The following SYMPK variants were observed in gnomAD, a reference collection of about 807,000 sequenced individuals.
The protein encoded by SYMPK is symplekin.
A neutral mutation model predicts 136.4 loss-of-function variants in SYMPK; 49 were observed. That is an observed-to-expected ratio of 0.36 (90% CI 0.29 to 0.46). SYMPK has a LOEUF of 0.46. Among genes scored for constraint, SYMPK ranks in the 20% least tolerant of loss-of-function variants. SYMPK has a pLI of 1.00. For missense variants in SYMPK, 1,365 were observed against 1,690.0 expected (o/e 0.81, Z 3.37); for synonymous variants, 766 against 713.0 (o/e 1.07, Z -1.19).
In SYMPK at chr19:45,857,422, A is replaced by C. The variant is rs551639250; in HGVS notation, c.-12-2915T>G. On this transcript the variant is annotated intron_variant, in intron 1 of 26. Coordinates refer to ENST00000245934, the MANE Select transcript of SYMPK (RefSeq NM_004819.3). ...GAGACTCTGTCTCAAAAAAAAAAAA[A>C]AAAAAAAAAAAACACACACTAAACA... Among the ~76,000 whole-genome samples the C allele has an allele frequency of 3.3e-3, 496 of 150,524 alleles. 5 individuals carry two copies. Among genetic ancestry groups the C allele is most frequent in the African/African-American group, 0.01 (424 of 41,116 alleles).
At chr19:45,828,111 C>T (rs1450392394) in intron 14 of SYMPK, 193 bp from the exon 15 acceptor site, 1 of 567,830 alleles carries the variant, frequency 1.8e-6, no homozygotes, top group East Asian at 3.0e-5. Flanking sequence ...TGGGCAGAGA[C>T]TGCACCTCTC....
Position 45,852,392 on chromosome 19 carries a change from A to G in SYMPK, c.226-7T>C, listed in dbSNP as rs1971715719. On this transcript the variant is annotated splice_region_variant and splice_polypyrimidine_tract_variant and intron_variant, in intron 4 of 26. Transcript: ENST00000245934. ...CTTGGAATGCGATGATCTCCTGCCA[A>G]TGTTAGAGAGAAAGTGGATCAGGGC... 2 of 1,614,170 alleles carry G rather than the reference A, an allele frequency of 1.2e-6. No homozygotes were observed. Among genetic ancestry groups the G allele is most frequent in the South Asian group, 1.1e-5 (1 of 91,088 alleles).
At chr19:45,817,064 G>A in intron 23 of SYMPK, 90 bp from the exon 24 acceptor site, 2 of 1,323,076 alleles carry the variant, frequency 1.5e-6, no homozygotes, top group Non-Finnish European at 2.1e-6. Context: ...CCAAGACCAT[G>A]CCCAAATCCC....
chr19:45,818,292 C>T (rs1014306466), intron 22 of SYMPK, 146 bp from the exon 23 acceptor site: 3 of 787,372 alleles, frequency 3.8e-6, no homozygotes, highest in Non-Finnish European at 5.7e-6. Flanking sequence ...AGGAGACTCC[C>T]CCGACCCAGC....
Position 45,831,453 on chromosome 19 carries a change from G to A in SYMPK, c.1529C>T (p.Ser510Phe), listed in dbSNP as rs765957468. Residue 510 changes from serine to phenylalanine, a missense_variant, in exon 12 of 27, where the codon TCC (serine) becomes TTC (phenylalanine). By Grantham distance (155) the Ser-to-Phe change is radical. Coordinates refer to ENST00000245934, the MANE Select transcript of SYMPK (RefSeq NM_004819.3). ...CTGCGGTGCCTCTTCCTCCAGGGGGGACATGGAGCTCAGGGAACCCACCAC... is the reference window on the plus strand; with the variant it reads ...CTGCGGTGCCTCTTCCTCCAGGGGGAACATGGAGCTCAGGGAACCCACCAC... ...ISVVGSLSSM[S>F]PLEEEAPQAK... The A allele has an allele frequency of 6.2e-7, 1 of 1,608,646 alleles. No individual in the cohort carries two copies. Among genetic ancestry groups the A allele is most frequent in the Middle Eastern group, 1.7e-4 (1 of 6,052 alleles).
At chr19:45,824,166 C>T in intron 18 of SYMPK, 1 of 351,654 alleles carries the variant, frequency 2.8e-6, no homozygotes, top group East Asian at 6.1e-5. Flanking sequence ...AATGCCCACC[C>T]TGTGCTTCGT....
At chr19:45,849,372 A>C (rs1971644571) in intron 5 of SYMPK, among the ~76,000 whole-genome samples, 1 of 152,180 alleles carries the variant, frequency 6.6e-6, no homozygotes, top group Non-Finnish European at 1.5e-5. Flanking sequence ...GAGGGCTCAA[A>C]AAGTAGGGAC....
In SYMPK at chr19:45,854,379, C is replaced by A. The variant is rs756839948; in HGVS notation, c.105+12G>T. 6.2e-7 allele frequency: 1 copy of A among 1,613,592 alleles called. No individual in the cohort carries two copies. The highest frequency in any genetic ancestry group is 1.1e-5 in the South Asian group (1 of 91,052). ...ATGCTTCCTCACTCCAAGCCCTACC[C>A]GCCACGCTCACCCTCTCTGAGGTGG... is the stretch of plus-strand genomic sequence containing the variant. On this transcript the variant is annotated intron_variant, in intron 2 of 26. Coordinates refer to ENST00000245934, the MANE Select transcript of SYMPK (RefSeq NM_004819.3).
intron 2 of SYMPK, 21 bp from the exon 3 acceptor site, chr19:45,854,261 A>G: frequency 6.2e-7 from 1 of 1,613,856 alleles, no homozygotes; most frequent in East Asian, 2.2e-5. Context: ...GGGGAGTGGC[A>G]GGGGATAGTG....
intron 10 of SYMPK, among the ~76,000 whole-genome samples, chr19:45,838,180 C>A (rs922347725): frequency 1.3e-5 from 2 of 151,924 alleles, no homozygotes; most frequent in Non-Finnish European, 2.9e-5. Flanking sequence ...TGCTCCCCAA[C>A]ACTCCCTTTC....
chr19:45,839,587 C>G (rs933436402), intron 9 of SYMPK, among the ~76,000 whole-genome samples: 27 of 151,970 alleles, frequency 1.8e-4, no homozygotes, highest in African/African-American at 5.8e-4. Flanking sequence ...TGGCTCACAC[C>G]TGTAATCCCA....
chr19:45,854,429 C>A lies in SYMPK; in HGVS notation c.67G>T (p.Glu23Ter). ...GTCATGCCATCGATGCCCGGCCCCT[C>A]CTCTTGAGTGAAAAACTGTGATGCC... ...SVASQFFTQEEGPGIDGMTTS... is the reference protein window; with the variant it reads ...SVASQFFTQE The change falls in exon 2 of 27, where the codon GAG becomes TAG. Residue 23 changes from glutamate (E) to a stop codon, truncating the protein, a stop_gained. Coordinates refer to ENST00000245934, the MANE Select transcript of SYMPK (RefSeq NM_004819.3). LOFTEE classifies it high-confidence loss of function. 6.2e-7 allele frequency: 1 copy of A among 1,614,162 alleles called. No homozygotes were observed. Among genetic ancestry groups the A allele is most frequent in the Non-Finnish European group, 8.5e-7 (1 of 1,180,030 alleles).
At chr19:45,838,711 C>G in intron 9 of SYMPK, 96 bp from the exon 10 acceptor site, 1 of 1,363,890 alleles carries the variant, frequency 7.3e-7, no homozygotes, top group South Asian at 1.4e-5. Flanking sequence ...CTCTAGTCAG[C>G]CTCAGCAAAC....
chr19:45,844,298 C>T (rs1971511346), intron 7 of SYMPK, 98 bp from the exon 8 acceptor site: 16 of 951,190 alleles, frequency 1.7e-5, no homozygotes, highest in Non-Finnish European at 2.1e-5. Flanking sequence ...GATCCTGGTA[C>T]CTAGATGTCT....
chr19:45,826,195 C>T lies in SYMPK; in HGVS notation c.2329+31G>A, dbSNP rs764417902. 3 of 1,597,800 alleles carry T rather than the reference C, an allele frequency of 1.9e-6. No individual in the cohort carries two copies. In the South Asian group the frequency reaches 3.4e-5, roughly 18 times the overall value. On this transcript the variant is annotated intron_variant, in intron 17 of 26. Coordinates refer to ENST00000245934, the MANE Select transcript of SYMPK (RefSeq NM_004819.3). ...GGCCCAGAGCGCGGACACAGCAGCG[C>T]TCAGTATGCATCTGATGACCTGTGC...
At chr19:45,843,505 C>T (rs540316131) in intron 8 of SYMPK, among the ~76,000 whole-genome samples, 1 of 152,238 alleles carries the variant, frequency 6.6e-6, no homozygotes, top group Admixed American at 6.5e-5. Context: ...CATGTCATTT[C>T]ACCCCCACAT....
chr19:45,857,156 C>T (rs1162715071), intron 1 of SYMPK, among the ~76,000 whole-genome samples: 1 of 151,712 alleles, frequency 6.6e-6, no homozygotes, highest in East Asian at 2.0e-4. Context: ...CACGTGTAAT[C>T]CCAGCACTTT....
chr19:45,856,321 T>C (rs1971821059), intron 1 of SYMPK, among the ~76,000 whole-genome samples: 2 of 151,642 alleles, frequency 1.3e-5, no homozygotes, highest in African/African-American at 2.4e-5. Flanking sequence ...GTCTGGGACA[T>C]AAAGACAGAC....
In SYMPK at chr19:45,829,048, G is replaced by A. The variant is rs146919889; in HGVS notation, c.1907C>T (p.Ser636Leu). 9.9e-6 allele frequency: 16 copies of A among 1,614,194 alleles called. No individual in the cohort carries two copies. The highest frequency in any genetic ancestry group is 8.3e-5 in the Admixed American group (5 of 60,028). The part of the protein sequence containing the change: ...EYNAYLAAGA[S>L]GSLDKYEDCL... Reference sequence around the variant, plus strand: ...GTCCTCATACTTGTCCAGGGAGCCCGAGGCACCTGCGGCCAGGTAGGCGTT... The same window carrying A: ...GTCCTCATACTTGTCCAGGGAGCCCAAGGCACCTGCGGCCAGGTAGGCGTT... Residue 636 changes from serine (S) to leucine (L), a missense_variant, in exon 14 of 27, where the codon TCG (serine) becomes TTG (leucine). Physicochemically the swap from Ser to Leu is moderately radical, Grantham distance 145. This residue lies in a region of SYMPK where 303 missense variants were observed against 326.6 expected (regional missense o/e 0.93). Transcript: ENST00000245934.
Sources: gnomAD v4.1 joint callset for allele counts (sites outside exome capture counted in the v4.1 genomes callset) on GRCh38, gnomAD v4.1.1 for gene constraint, gnomAD v4.1.1 regional missense constraint, MANE v1.5 for transcripts, NCBI Gene and HGNC (gene_info 2026-07-23, HGNC 2026-07-21) for gene names.